ADAMTSL1: variants seen among roughly 807,000 people sequenced by gnomAD.
The protein encoded by ADAMTSL1 is ADAMTS-like protein 1.
ADAMTSL1 carries 126 observed loss-of-function variants against 201.8 expected under a neutral mutation model. That is an observed-to-expected ratio of 0.62 (90% confidence interval 0.54 to 0.72). The LOEUF (loss-of-function observed/expected upper bound fraction) is 0.72, where lower values mean the gene tolerates loss of function less well. ADAMTSL1 is among the 30% of genes least tolerant of loss of function. The probability of loss-of-function intolerance (pLI) is 0.00; values close to 1 mark genes in which losing one functional copy is unlikely to be tolerated. For synonymous variants in ADAMTSL1, 1,121 were observed against 903.4 expected (o/e 1.24, Z -4.32); for missense variants, 2,679 against 2,277.8 (o/e 1.18, Z -3.59).
At chr9:18,537,080 GT>G (rs1819820956) in intron 3 of ADAMTSL1, among the ~76,000 whole-genome samples, 1 of 152,076 alleles carries the variant, frequency 6.6e-6, no homozygotes, top group South Asian at 2.1e-4. Context: ...ACATTTTACT[GT>G]TTTTAAGACA....
chr9:18,168,182 T>C lies in ADAMTSL1; in HGVS notation c.207+4201T>C, dbSNP rs191926614. ...ACAACGTGCAGGTTTGTTACATATG[T>C]ATGCATGTGCCATGTTGGTGTGCTG... On this transcript the variant is annotated intron_variant, in intron 2 of 29. Transcript: ENST00000680146. Among the ~76,000 whole-genome samples, 883 of 152,200 alleles carry C rather than the reference T, an allele frequency of 5.8e-3. 12 individuals are homozygous for C. Among genetic ancestry groups the C allele is most frequent in the Middle Eastern group, 6.8e-3 (2 of 294 alleles).
chr9:18,427,213 T>A (rs373687981), intron 2 of ADAMTSL1, among the ~76,000 whole-genome samples: 10 of 152,350 alleles, frequency 6.6e-5, no homozygotes, highest in African/African-American at 2.4e-4. Context: ...TACTTAGGAA[T>A]GAACTCAGGA....
At chr9:18,254,582 C>G (rs528517461) in intron 2 of ADAMTSL1, among the ~76,000 whole-genome samples, 6 of 151,758 alleles carry the variant, frequency 4.0e-5, no homozygotes, top group East Asian at 2.0e-4. Flanking sequence ...CCAGGATGGT[C>G]TCGATCTCCT....
At chr9:18,138,985 A>G (rs1362035713) in intron 1 of ADAMTSL1, among the ~76,000 whole-genome samples, 1 of 152,014 alleles carries the variant, frequency 6.6e-6, no homozygotes, top group Admixed American at 6.6e-5. Context: ...CGTGGATTTT[A>G]CTTGTGTCTG....
intron 1 of ADAMTSL1, among the ~76,000 whole-genome samples, chr9:18,003,485 C>T (rs1389733289): frequency 6.6e-6 from 1 of 152,090 alleles, no homozygotes; most frequent in Non-Finnish European, 1.5e-5. Flanking sequence ...ACCTACATGC[C>T]TGTCTGCATT....
intron 15 of ADAMTSL1, among the ~76,000 whole-genome samples, chr9:18,745,791 C>T (rs1819108338): frequency 6.6e-6 from 1 of 152,180 alleles, no homozygotes; most frequent in East Asian, 1.9e-4. Flanking sequence ...TTCCACTTCA[C>T]ATATTTGTAA....
chr9:17,920,994 GC>G (rs1396493630), intron 1 of ADAMTSL1, among the ~76,000 whole-genome samples: 1 of 152,114 alleles, frequency 6.6e-6, no homozygotes, highest in East Asian at 1.9e-4. Context: ...TTCTTTGTGG[GC>G]TTTCAGTAGA....
chr9:18,261,333 T>A (rs1336266753), intron 2 of ADAMTSL1, among the ~76,000 whole-genome samples: 1 of 152,178 alleles, frequency 6.6e-6, no homozygotes, highest in African/African-American at 2.4e-5. Flanking sequence ...TTGCACAGCA[T>A]CTGAGGCTGT....
intron 3 of ADAMTSL1, among the ~76,000 whole-genome samples, chr9:18,572,153 C>G (rs1822356029): frequency 6.6e-6 from 1 of 151,596 alleles, no homozygotes; most frequent in Non-Finnish European, 1.5e-5. Context: ...CGAGATCACG[C>G]CACTACACTC....
intron 19 of ADAMTSL1, among the ~76,000 whole-genome samples, chr9:18,787,662 G>C (rs1821781908): frequency 6.6e-6 from 1 of 152,178 alleles, no homozygotes; most frequent in Non-Finnish European, 1.5e-5. Context: ...GGCATCAGGA[G>C]TAAGGAATGA....
chr9:18,488,546 T>A (rs1822110217), intron 1 of ADAMTSL1, among the ~76,000 whole-genome samples: 1 of 152,206 alleles, frequency 6.6e-6, no homozygotes, highest in Non-Finnish European at 1.5e-5. Flanking sequence ...GTTCCACCAG[T>A]GTAACCTTTC....
At chr9:18,319,325 A>G (rs1011302000) in intron 2 of ADAMTSL1, among the ~76,000 whole-genome samples, 2 of 152,186 alleles carry the variant, frequency 1.3e-5, no homozygotes, top group East Asian at 1.9e-4. Context: ...TTTCAATTAT[A>G]TTTATATTTT....
At chr9:17,979,627 T>G (rs58879811) in intron 1 of ADAMTSL1, among the ~76,000 whole-genome samples, 5,207 of 152,182 alleles carry the variant, frequency 0.034, 115 homozygotes, top group Middle Eastern at 0.072. Flanking sequence ...CTTAGGAGCT[T>G]TTGTAAGATC....
chr9:18,492,698 T>G (rs1013736592), intron 1 of ADAMTSL1, among the ~76,000 whole-genome samples: 1 of 152,232 alleles, frequency 6.6e-6, no homozygotes, highest in Non-Finnish European at 1.5e-5. Context: ...AAAATTGATT[T>G]GTAAATGTGC....
chr9:18,189,533 C>T (rs188030592), intron 2 of ADAMTSL1, among the ~76,000 whole-genome samples: 14 of 152,116 alleles, frequency 9.2e-5, no homozygotes, highest in Admixed American at 2.6e-4. Context: ...CAAGATTTAA[C>T]GCCCTTTTCC....
intron 4 of ADAMTSL1, among the ~76,000 whole-genome samples, chr9:18,605,775 C>G (rs1269898160): frequency 6.6e-6 from 1 of 152,152 alleles, no homozygotes; most frequent in Non-Finnish European, 1.5e-5. Flanking sequence ...ATATTCCATT[C>G]ACATGCTTTC....
At chr9:18,193,086 G>A (rs1477651869) in intron 2 of ADAMTSL1, among the ~76,000 whole-genome samples, 2 of 152,182 alleles carry the variant, frequency 1.3e-5, no homozygotes, top group Admixed American at 6.6e-5. Context: ...TCCTTTTCCA[G>A]GTTTTTTTGG....
At chr9:18,056,087 A>G (rs942483181) in intron 1 of ADAMTSL1, among the ~76,000 whole-genome samples, 1 of 152,092 alleles carries the variant, frequency 6.6e-6, no homozygotes, top group Non-Finnish European at 1.5e-5. Context: ...TTTATTCTAT[A>G]AGGGGAAAGA....
intron 9 of ADAMTSL1, among the ~76,000 whole-genome samples, chr9:18,674,710 T>G (rs1286795114): frequency 1.3e-5 from 2 of 152,146 alleles, no homozygotes; most frequent in Non-Finnish European, 2.9e-5. Flanking sequence ...AATAGATGCA[T>G]CCATCTATCC....
Sources: gnomAD v4.1 joint callset for allele counts (sites outside exome capture counted in the v4.1 genomes callset) on GRCh38, gnomAD v4.1.1 for gene constraint, MANE v1.5 for transcripts, NCBI Gene and HGNC (gene_info 2026-07-23, HGNC 2026-07-21) for gene names.